The following DMXL1 variants were observed in gnomAD, a reference collection of about 807,000 sequenced individuals.
DMXL1 encodes dmX-like protein 1.
In DMXL1, 99 loss-of-function variants were observed where a neutral mutation model predicts 319.2. The observed-to-expected ratio is 0.31, with a 90% CI of 0.26 to 0.37. DMXL1 has a LOEUF of 0.37. Among genes scored for constraint, DMXL1 ranks in the 10% least tolerant of loss-of-function variants. The pLI, the probability that DMXL1 is intolerant of heterozygous loss-of-function variation, is 1.00. For synonymous variants in DMXL1, 1,385 were observed against 1,235.2 expected, an observed-to-expected ratio of 1.12 and a Z score of -2.54; for missense variants, 3,745 against 3,595.6, an observed-to-expected ratio of 1.04 and a Z score of -1.06.
At chr5:119,114,720 G>A (rs1329129739) in intron 6 of DMXL1, among the ~76,000 whole-genome samples, 179 bp downstream of exon 6, 4 of 152,152 alleles carry the variant, frequency 2.6e-5, no homozygotes, top group African/African-American at 9.7e-5. Context: ...CCAGACTGGA[G>A]TGCAGTGGCA....
intron 25 of DMXL1, among the ~76,000 whole-genome samples, chr5:119,173,769 T>A: frequency 1.4e-5 from 1 of 73,144 alleles, no homozygotes; most frequent in Non-Finnish European, 2.5e-5. Context: ...TATATATATG[T>A]GTGTGTGTAT....
At chr5:119,223,223 A>T (rs1784951167) in intron 37 of DMXL1, among the ~76,000 whole-genome samples, 1 of 151,666 alleles carries the variant, frequency 6.6e-6, no homozygotes, top group Non-Finnish European at 1.5e-5. Flanking sequence ...TGCCCGGCTA[A>T]TTTTTGTATT....
chr5:119,199,713 A>G (rs1016752498), intron 32 of DMXL1, among the ~76,000 whole-genome samples: 1 of 152,156 alleles, frequency 6.6e-6, no homozygotes, highest in Non-Finnish European at 1.5e-5. Flanking sequence ...TTTCTCTGCA[A>G]CCTTCCCAGC....
At position 119,116,264 on chromosome 5, in the gene DMXL1, C is replaced by T. The variant is rs753555692; in HGVS notation, c.671C>T (p.Ser224Phe). 2.0e-5 allele frequency: 33 copies of T among 1,613,808 alleles called. No individual in the cohort carries two copies. In the South Asian group the frequency reaches 3.6e-4, roughly 18 times the overall value. ...EKQSQGEIDF[S>F]FVYLAHPRAV... is the part of the protein sequence containing the mutation. Reference sequence around the variant, plus strand: ...CAATCCCAAGGAGAAATTGACTTTTCTTTTGTGTATCTGGCCCATCCTCGA... The same window carrying T: ...CAATCCCAAGGAGAAATTGACTTTTTTTTTGTGTATCTGGCCCATCCTCGA... Residue 224 changes from serine to phenylalanine, a missense_variant, in exon 7 of 44, where the codon TCT becomes TTT. Ser to Phe is a radical substitution (Grantham distance 155). This residue lies in a region of DMXL1 where 2,096 missense variants were observed against 1,985.4 expected (regional missense o/e 1.06). Transcript: ENST00000539542.
At chr5:119,076,726 T>C (rs572811308) in intron 1 of DMXL1, among the ~76,000 whole-genome samples, 2 of 152,332 alleles carry the variant, frequency 1.3e-5, no homozygotes, top group East Asian at 3.9e-4. Flanking sequence ...TGGGGGTGTT[T>C]ACCTGGTTTT....
chr5:119,193,720 T>C, intron 29 of DMXL1, 108 bp from the exon 30 acceptor site: 1 of 1,076,648 alleles, frequency 9.3e-7, no homozygotes, highest in South Asian at 1.4e-5. Flanking sequence ...CTTAACTCTC[T>C]TATAATGAAG....
At position 119,133,972 on chromosome 5, in the gene DMXL1, T is replaced by G; in HGVS notation, c.2048T>G (p.Leu683Trp). ...FDALNIEECS[L>W]TQQNKSTVDV... ...GCTCTAAATATTGAAGAATGCTCTT[T>G]GACACAACAAAATAAAAGCACTGTT... is the stretch of plus-strand genomic sequence containing the variant. The change falls in exon 12 of 44, where the codon TTG (leucine) becomes TGG (tryptophan). Residue 683 changes from leucine (L) to tryptophan (W), a missense_variant. Leu to Trp is a moderately conservative substitution (Grantham distance 61). This residue lies in a region of DMXL1 where 2,096 missense variants were observed against 1,985.4 expected (regional missense o/e 1.06). Coordinates refer to ENST00000539542, the MANE Select transcript of DMXL1 (RefSeq NM_001290321.3). 6.2e-7 allele frequency: 1 copy of G among 1,614,206 alleles called. No homozygotes were observed. Among genetic ancestry groups the G allele is most frequent in the South Asian group, 1.1e-5 (1 of 91,086 alleles).
chr5:119,090,020 T>TTTTTTTTTTTTTTTTTTTTTTTTTTTTTG (rs1754380034), intron 1 of DMXL1, among the ~76,000 whole-genome samples: 1 of 92,976 alleles, frequency 1.1e-5, no homozygotes, highest in Non-Finnish European at 2.2e-5. Context: ...TTTTTTTTTT[T>TTTTTTTTTTTTTTTTTTTTTTTTTTTTTG]TTTTTTTTTT....
At chr5:119,129,038 C>T (rs933002943) in intron 9 of DMXL1, among the ~76,000 whole-genome samples, 173 bp from the exon 10 acceptor site, 5 of 151,982 alleles carry the variant, frequency 3.3e-5, no homozygotes, top group Non-Finnish European at 5.9e-5. Flanking sequence ...AGCCTGGCAA[C>T]AGAGCGAAAC....
At chr5:119,147,156 T>A (rs1466836651) in intron 16 of DMXL1, 93 bp from the exon 17 acceptor site, 1 of 1,211,878 alleles carries the variant, frequency 8.3e-7, no homozygotes, top group Non-Finnish European at 1.2e-6. Context: ...ATTTTATCTT[T>A]TACAAGGCAG....
At chr5:119,218,819 A>C (rs905043867) in intron 35 of DMXL1, among the ~76,000 whole-genome samples, 4 of 152,156 alleles carry the variant, frequency 2.6e-5, no homozygotes, top group Admixed American at 6.5e-5. Flanking sequence ...CTCTTGCTTT[A>C]AGTTGCATTT....
intron 9 of DMXL1, among the ~76,000 whole-genome samples, chr5:119,125,694 A>C (rs1157017618): frequency 6.6e-6 from 1 of 151,944 alleles, no homozygotes; most frequent in African/African-American, 2.4e-5. Context: ...CCTCCCAAGT[A>C]GCTGGGACTA....
chr5:119,145,777 A>G (rs887652344), intron 15 of DMXL1, among the ~76,000 whole-genome samples: 3 of 151,682 alleles, frequency 2.0e-5, no homozygotes, highest in Non-Finnish European at 4.4e-5. Flanking sequence ...ACTTTTACCC[A>G]AAAACTATTA....
chr5:119,115,108 A>C (rs1209640697), intron 6 of DMXL1, among the ~76,000 whole-genome samples: 1 of 152,226 alleles, frequency 6.6e-6, no homozygotes, highest in Non-Finnish European at 1.5e-5. Context: ...TGGGCAAGTT[A>C]ATCTTATTGA....
intron 33 of DMXL1, among the ~76,000 whole-genome samples, chr5:119,204,082 A>G (rs1389960677): frequency 6.6e-6 from 1 of 152,068 alleles, no homozygotes. Flanking sequence ...TCAGCCTCCC[A>G]AAGTGCTAGG....
chr5:119,117,723 G>T (rs1444944610), intron 7 of DMXL1, among the ~76,000 whole-genome samples: 1 of 151,932 alleles, frequency 6.6e-6, no homozygotes, highest in Non-Finnish European at 1.5e-5. Context: ...AAAGAGGAGA[G>T]GGCGCCAGAG....
intron 1 of DMXL1, among the ~76,000 whole-genome samples, chr5:119,089,261 T>C (rs749312266): frequency 4.2e-5 from 5 of 118,676 alleles, no homozygotes; most frequent in African/African-American, 8.8e-5. Context: ...CCATTATATA[T>C]GCATATATAT....
At chr5:119,073,806 C>T (rs1750191574) in intron 1 of DMXL1, among the ~76,000 whole-genome samples, 1 of 152,196 alleles carries the variant, frequency 6.6e-6, no homozygotes, top group African/African-American at 2.4e-5. Context: ...GTTGCTTACG[C>T]TCATTATCCT....
intron 1 of DMXL1, among the ~76,000 whole-genome samples, chr5:119,092,243 G>A (rs1754963344): frequency 6.6e-6 from 1 of 151,950 alleles, no homozygotes; most frequent in African/African-American, 2.4e-5. Flanking sequence ...TTTCAGCACT[G>A]TATATTTGTT....
Sources: allele counts gnomAD v4.1 joint callset (sites outside exome capture counted in the v4.1 genomes callset), GRCh38; gene constraint gnomAD v4.1.1; regional missense constraint gnomAD v4.1.1; transcripts MANE v1.5; gene names NCBI Gene and HGNC (gene_info 2026-07-23, HGNC 2026-07-21).